Variants in GP9 observed in about 807,000 individuals in gnomAD.
GP9 encodes the protein platelet glycoprotein IX.
For missense variants in GP9, 228 were observed against 241.8 expected, an observed-to-expected ratio of 0.94 and a Z score of 0.38; for synonymous variants, 116 against 116.7, an observed-to-expected ratio of 0.99 and a Z score of 0.04.
upstream of GP9, among the ~76,000 whole-genome samples, chr3:129,059,977 G>A (rs966875160): frequency 1.3e-5 from 2 of 152,018 alleles, no homozygotes; most frequent in African/African-American, 4.8e-5. Context: ...TTTTTAAGAC[G>A]GAGTCTCGCT....
upstream of GP9, among the ~76,000 whole-genome samples, chr3:129,056,477 C>A (rs1373093928): frequency 6.6e-6 from 1 of 152,218 alleles, no homozygotes; most frequent in Non-Finnish European, 1.5e-5. Flanking sequence ...AATACGATTA[C>A]CAAACAGAGG....
Position 129,061,738 on chromosome 3 carries a change from C to G in GP9, c.-2C>G, listed in dbSNP as rs764247973. 7 of 1,611,250 alleles carry G rather than the reference C, an allele frequency of 4.3e-6. No individual in the cohort carries two copies. The East Asian group carries it at 1.6e-4, about 36-fold the overall frequency. ...CCCCTCTCTCTGCAGCCAGCCTGTC[C>G]CATGCCTGCCTGGGGAGCCCTGTTC... On this transcript the variant is annotated 5_prime_UTR_variant, in exon 3 of 3. Coordinates refer to ENST00000307395, the MANE Select transcript of GP9 (RefSeq NM_000174.5).
upstream of GP9, among the ~76,000 whole-genome samples, chr3:129,056,711 G>A (rs117707177): frequency 2.0e-5 from 3 of 152,288 alleles, no homozygotes; most frequent in East Asian, 5.8e-4. Flanking sequence ...GCGTCGAGGA[G>A]GGCTTCCCGT....
At chr3:129,060,472 A>C (rs1228893061), upstream of GP9, among the ~76,000 whole-genome samples, 1 of 152,232 alleles carries the variant, frequency 6.6e-6, no homozygotes, top group African/African-American at 2.4e-5. Context: ...GAAAACTGAG[A>C]TTCGGAGGAA....
chr3:129,062,266 T>TGGATTGAGCCAGGCCCC lies in GP9; in HGVS notation c.528_*10dup, dbSNP rs1946589128. 2 of 1,548,678 alleles carry TGGATTGAGCCAGGCCCC rather than the reference T, an allele frequency of 1.3e-6. No homozygotes were observed. The highest frequency in any genetic ancestry group is 1.7e-6 in the Non-Finnish European group (2 of 1,147,016). On this transcript the variant is annotated stop_gained and frameshift_variant, in exon 3 of 3. Coordinates refer to ENST00000307395, the MANE Select transcript of GP9 (RefSeq NM_000174.5). LOFTEE classifies it high-confidence loss of function. ...CTGCTGTGTGCCACCACAGAGGCCC[T>TGGATTGAGCCAGGCCCC]GGATTGAGCCAGGCCCCCAGAACCC...
chr3:129,059,488 G>A (rs1280395273), upstream of GP9, among the ~76,000 whole-genome samples: 1 of 152,216 alleles, frequency 6.6e-6, no homozygotes, highest in African/African-American at 2.4e-5. Flanking sequence ...TCCTCTCCAT[G>A]GTCCAGGCTC....
upstream of GP9, among the ~76,000 whole-genome samples, chr3:129,057,210 TA>T (rs1946529302): frequency 6.6e-6 from 1 of 152,150 alleles, no homozygotes; most frequent in Non-Finnish European, 1.5e-5. Context: ...CATAAAAATG[TA>T]AAAATAAGAT....
At chr3:129,061,362 G>T in intron 1 of GP9, 132 bp from the exon 2 acceptor site, 1 of 363,448 alleles carries the variant, frequency 2.8e-6, no homozygotes, top group South Asian at 2.5e-5. Context: ...CTAGTCTCTG[G>T]GGACTGTGGT....
In GP9 at chr3:129,062,166, T is replaced by G; in HGVS notation, c.427T>G (p.Trp143Gly). 4 of 1,579,990 alleles carry G rather than the reference T, an allele frequency of 2.5e-6. No homozygotes were observed. The highest frequency in any genetic ancestry group is 3.4e-6 in the Non-Finnish European group (4 of 1,167,050). The change falls in exon 3 of 3, where the codon TGG becomes GGG. Residue 143 changes from tryptophan (W) to glycine (G), a missense_variant. Physicochemically the swap from Trp to Gly is radical, Grantham distance 184. Coordinates refer to ENST00000307395, the MANE Select transcript of GP9 (RefSeq NM_000174.5). Reference sequence around the variant, plus strand: ...CTGTGGCTGGCAGCTGCAGGCGTCCTGGGTGCGCCCGGGGGTCTTGTGGGA... The same window carrying G: ...CTGTGGCTGGCAGCTGCAGGCGTCCGGGGTGCGCCCGGGGGTCTTGTGGGA... ...GSCGWQLQAS[W>G]VRPGVLWDVA...
upstream of GP9, among the ~76,000 whole-genome samples, chr3:129,059,748 G>A (rs765455600): frequency 8.0e-4 from 122 of 152,270 alleles, no homozygotes; most frequent in Non-Finnish European, 1.4e-3. Context: ...CCCAAGGAAG[G>A]ACTCACCCTG....
rs1185798840 is a variant in GP9 at position 129,062,266 on chromosome 3, T to G, written c.527T>G (p.Leu176Arg). ...AGLLCATTEA[L>R]D ...CTGCTGTGTGCCACCACAGAGGCCC[T>G]GGATTGAGCCAGGCCCCCAGAACCC... The change falls in exon 3 of 3, where the codon CTG becomes CGG. Residue 176 changes from leucine (L) to arginine (R), a missense_variant. By Grantham distance (102) the Leu-to-Arg change is moderately radical. Coordinates refer to ENST00000307395, the MANE Select transcript of GP9 (RefSeq NM_000174.5). 11 of 1,548,796 alleles carry G rather than the reference T, an allele frequency of 7.1e-6. No individual in the cohort carries two copies. The highest frequency in any genetic ancestry group is 8.7e-6 in the Non-Finnish European group (10 of 1,147,008).
chr3:129,062,224 T>C lies in GP9; in HGVS notation c.485T>C (p.Leu162Pro). Residue 162 changes from leucine to proline, a missense_variant, in exon 3 of 3, where the codon CTG (leucine) becomes CCG (proline). By Grantham distance (98) the Leu-to-Pro change is moderately conservative. Transcript: ENST00000307395. ...CTGGTCGCCGTGGCCGCGCTGGGCCTGGCTCTTCTGGCTGGCCTGCTGTGT... is the reference window on the plus strand; with the variant it reads ...CTGGTCGCCGTGGCCGCGCTGGGCCCGGCTCTTCTGGCTGGCCTGCTGTGT... ...VALVAVAALG[L>P]ALLAGLLCAT... 1 of 1,561,740 alleles carries C rather than the reference T, an allele frequency of 6.4e-7. No individual in the cohort carries two copies. The highest frequency in any genetic ancestry group is 8.6e-7 in the Non-Finnish European group (1 of 1,156,112).
upstream of GP9, among the ~76,000 whole-genome samples, chr3:129,058,831 T>C (rs937027392): frequency 1.1e-4 from 16 of 152,246 alleles, no homozygotes; most frequent in Admixed American, 6.5e-5. Flanking sequence ...GCGGCTTTCT[T>C]CACCACTGGC....
At chr3:129,057,603 G>C (rs1211135481), upstream of GP9, among the ~76,000 whole-genome samples, 1 of 152,154 alleles carries the variant, frequency 6.6e-6, no homozygotes, top group Non-Finnish European at 1.5e-5. Flanking sequence ...GGGAAGCCAA[G>C]AAGGCGAACG....
chr3:129,059,880 T>C (rs766839148), upstream of GP9, among the ~76,000 whole-genome samples: 1 of 152,208 alleles, frequency 6.6e-6, no homozygotes, highest in Non-Finnish European at 1.5e-5. Context: ...GTCAACGAAG[T>C]GCGTTTAAAG....
chr3:129,061,531 CAGTT>C lies in GP9; in HGVS notation c.-98_-95del. The C allele has an allele frequency of 3.2e-6, 2 of 621,596 alleles. No homozygotes were observed. The highest frequency in any genetic ancestry group is 1.9e-5 in the South Asian group (1 of 53,926). The allele number at this position is 621,596 out of a possible 1,614,324, so 38.5% of individuals were successfully genotyped here. The stretch of plus-strand genomic sequence containing the variant: ...CCCGGCCTTCTACGGTGTCCAGAGA[CAGTT>C]AGCCAGGCCTGGGCTGGGCACACTC... On this transcript the variant is annotated 5_prime_UTR_variant, in exon 2 of 3. Transcript: ENST00000307395.
At chr3:129,061,669 C>A in intron 2 of GP9, 50 bp downstream of exon 2, 1 of 1,325,456 alleles carries the variant, frequency 7.5e-7, no homozygotes, top group Non-Finnish European at 1.1e-6. Context: ...CCAGTGCTTG[C>A]CGTCCCTGAG....
chr3:129,055,650 T>C, the GP9 span, among the ~76,000 whole-genome samples: 3 of 142,028 alleles, frequency 2.1e-5, no homozygotes, highest in Non-Finnish European at 4.8e-5. Context: ...CTTTCTTTCT[T>C]TTTTTTTTTT....
At position 129,061,444 on chromosome 3, in the gene GP9, G is replaced by A. The variant is rs985665599; in HGVS notation, c.-138-50G>A. 8 of 531,750 alleles carry A rather than the reference G, an allele frequency of 1.5e-5. No individual in the cohort carries two copies. In the Admixed American group the frequency reaches 2.2e-4, roughly 15 times the overall value. The allele number at this position is 531,750 out of a possible 1,614,324, so 32.9% of individuals were successfully genotyped here. ...AGCAGGGGATGGGGTCTCTGCTAAG[G>A]GCCAGGAAGTCCCTTCCCCTTCCCA... On this transcript the variant is annotated intron_variant, in intron 1 of 2. Coordinates refer to ENST00000307395, the MANE Select transcript of GP9 (RefSeq NM_000174.5).
Sources: allele counts gnomAD v4.1 joint callset (sites outside exome capture counted in the v4.1 genomes callset), GRCh38; gene constraint gnomAD v4.1.1; transcripts MANE v1.5; gene names NCBI Gene and HGNC (gene_info 2026-07-23, HGNC 2026-07-21).